The following ABCG4 variants were observed in gnomAD, a reference collection of about 807,000 sequenced individuals.
The protein encoded by ABCG4 is ATP binding cassette subfamily G member 4, also known as ATP-binding cassette sub-family G member 4.
Under a neutral mutation model 64.6 loss-of-function variants are expected in ABCG4, and 35 were observed. The observed-to-expected ratio is 0.54, with a 90% CI of 0.41 to 0.72. The LOEUF is 0.72. Ranked by LOEUF, ABCG4 falls within the 30% of genes least tolerant of loss-of-function variation. The pLI is 0.00. For synonymous variants in ABCG4, 326 were observed against 348.2 expected (o/e 0.94, Z 0.71); for missense variants, 610 against 846.3 (o/e 0.72, Z 3.46).
Position 119,161,040 on chromosome 11 carries a change from C to T in ABCG4, c.1875C>T (p.Ile625=). Reference sequence around the variant, plus strand: ...ACATGGACTTCCTGGTCTTGGGCATCTTCTTCCTAGCCCTGCGGCTGCTGG... The same window carrying T: ...ACATGGACTTCCTGGTCTTGGGCATTTTCTTCCTAGCCCTGCGGCTGCTGG... ...KLYMDFLVLG[I]FFLALRLLAY... Residue 625 remains isoleucine, a synonymous_variant, in exon 15 of 15, where the codon ATC becomes ATT. Coordinates refer to ENST00000619701, the MANE Select transcript of ABCG4 (RefSeq NM_022169.5). 6.2e-7 allele frequency: 1 copy of T among 1,614,082 alleles called. No homozygotes were observed. Among genetic ancestry groups the T allele is most frequent in the Non-Finnish European group, 8.5e-7 (1 of 1,179,986 alleles).
Position 119,154,760 on chromosome 11 carries a change from G to T in ABCG4, c.541-10G>T, listed in dbSNP as rs1481561724. On this transcript the variant is annotated splice_polypyrimidine_tract_variant and intron_variant, in intron 5 of 14. Coordinates refer to ENST00000619701, the MANE Select transcript of ABCG4 (RefSeq NM_022169.5). The surrounding 1 kb of genome is among the most constrained non-coding windows in gnomAD (Gnocchi z 7.0). ...CCGAAGCTGACCTGGCATGGGTGGG[G>T]TGGGGCCAGGTGACAGAGATCCTGA... 5 of 1,605,554 alleles carry T rather than the reference G, an allele frequency of 3.1e-6. No individual in the cohort carries two copies. The highest frequency in any genetic ancestry group is 1.7e-4 in the Middle Eastern group (1 of 6,034).
Position 119,149,785 on chromosome 11 carries a change from G to C in ABCG4, c.-12-169G>C. 1 of 1,106,538 alleles carries C rather than the reference G, an allele frequency of 9.0e-7. No individual in the cohort carries two copies. Among genetic ancestry groups the C allele is most frequent in the South Asian group, 1.6e-5 (1 of 61,792 alleles). The allele number at this position is 1,106,538 out of a possible 1,614,324, so 68.5% of individuals were successfully genotyped here. A position where few individuals can be genotyped will look rare whatever the true frequency, so the allele number is the denominator to read the frequency against. The stretch of plus-strand genomic sequence containing the variant: ...CTGGAGCTGGGCTGCCCGGGACTGA[G>C]CGTCTCCGTGCGGAGAGTGGGGGGC... On this transcript the variant is annotated intron_variant, in intron 1 of 14. Transcript: ENST00000619701. The surrounding 1 kb of genome is among the most constrained non-coding windows in gnomAD (Gnocchi z 8.3).
rs1948298557 is a variant in ABCG4 at position 119,158,483 on chromosome 11, TC to T, written c.1168-72del. The stretch of plus-strand genomic sequence containing the variant: ...TGTGCCTGTGAGGGCAGCTCCGAGT[TC>T]CTACTCCAAGTCTACTCTGTGGCTT... On this transcript the variant is annotated intron_variant, in intron 10 of 14. Coordinates refer to ENST00000619701, the MANE Select transcript of ABCG4 (RefSeq NM_022169.5). The surrounding 1 kb of genome is among the most constrained non-coding windows in gnomAD (Gnocchi z 4.5). 4 of 1,598,650 alleles carry T rather than the reference TC, an allele frequency of 2.5e-6. No homozygotes were observed. Among genetic ancestry groups the T allele is most frequent in the Non-Finnish European group, 3.4e-6 (4 of 1,166,540 alleles).
chr11:119,162,511 C>G lies in ABCG4; in HGVS notation c.*1405C>G, dbSNP rs1316571199. The G allele has an allele frequency of 3.3e-5, 5 of 152,382 alleles. No individual in the cohort carries two copies. Among genetic ancestry groups the G allele is most frequent in the African/African-American group, 9.7e-5 (4 of 41,446 alleles). 9.4% of individuals were successfully genotyped at this position (152,382 alleles called of 1,614,324 possible). On this transcript the variant is annotated 3_prime_UTR_variant, in exon 15 of 15. Coordinates refer to ENST00000619701, the MANE Select transcript of ABCG4 (RefSeq NM_022169.5). ...ATTCTGCTTCTGATTTCCCCTCCCC[C>G]AGGGCTCATTTTCCCCCTTTTTCCT...
chr11:119,158,233 G>A lies in ABCG4; in HGVS notation c.1069-1G>A, dbSNP rs776574108. The A allele has an allele frequency of 6.3e-7, 1 of 1,579,946 alleles. No individual in the cohort carries two copies. The highest frequency in any genetic ancestry group is 8.6e-7 in the Non-Finnish European group (1 of 1,158,154). On this transcript the variant is annotated splice_acceptor_variant, in intron 9 of 14. Transcript: ENST00000619701. LOFTEE classifies it high-confidence loss of function. This position sits in a 1 kb window ranked among gnomAD's most constrained non-coding sequence, Gnocchi z 4.5. ...ATCCCGATCCAATTTCTTCTTCCCA[G>A]GAAGTGGATCCCATTGAAAGCCACA...
In ABCG4 at chr11:119,150,654, G is replaced by A. The variant is rs553972948; in HGVS notation, c.238+451G>A. On this transcript the variant is annotated intron_variant, in intron 2 of 14. Coordinates refer to ENST00000619701, the MANE Select transcript of ABCG4 (RefSeq NM_022169.5). This position sits in a 1 kb window ranked among gnomAD's most constrained non-coding sequence, Gnocchi z 4.3. ...ACCACAGTGCTCAGAAGCAGGGAGG[G>A]TGGCGGTTTGGCAGGATAGATGTCA... 1.3e-5 allele frequency among the ~76,000 whole-genome samples: 2 copies of A among 152,302 alleles called. No individual in the cohort carries two copies. The highest frequency in any genetic ancestry group is 4.8e-5 in the African/African-American group (2 of 41,542).
At position 119,154,252 on chromosome 11, in the gene ABCG4, C is replaced by A. The variant is rs777837620; in HGVS notation, c.357-8C>A. The A allele has an allele frequency of 6.2e-7, 1 of 1,614,086 alleles. No individual in the cohort carries two copies. The highest frequency in any genetic ancestry group is 1.7e-5 in the Admixed American group (1 of 60,014). On this transcript the variant is annotated splice_region_variant and splice_polypyrimidine_tract_variant and intron_variant, in intron 3 of 14. Transcript: ENST00000619701. This position sits in a 1 kb window ranked among gnomAD's most constrained non-coding sequence, Gnocchi z 7.0. ...ATTGACCCCCATCCTCAACCCACATCCCTGCAGGGAGTCTGGAATGAAGGG... is the reference window on the plus strand; with the variant it reads ...ATTGACCCCCATCCTCAACCCACATACCTGCAGGGAGTCTGGAATGAAGGG...
rs1316275466 is a variant in ABCG4 at position 119,156,473 on chromosome 11, A to G, written c.810+21A>G. 1 of 1,614,064 alleles carries G rather than the reference A, an allele frequency of 6.2e-7. No homozygotes were observed. Among genetic ancestry groups the G allele is most frequent in the Non-Finnish European group, 8.5e-7 (1 of 1,180,040 alleles). On this transcript the variant is annotated intron_variant, in intron 7 of 14. Coordinates refer to ENST00000619701, the MANE Select transcript of ABCG4 (RefSeq NM_022169.5). This position sits in a 1 kb window ranked among gnomAD's most constrained non-coding sequence, Gnocchi z 5.5. ...ACAAGGTGAGTGTCTCCAGGCCTCA[A>G]GGAGGATTGGCCTGAGATGGAGGGA...
In ABCG4 at chr11:119,161,253, G is replaced by A. The variant is rs972155865; in HGVS notation, c.*147G>A. On this transcript the variant is annotated 3_prime_UTR_variant, in exon 15 of 15. Coordinates refer to ENST00000619701, the MANE Select transcript of ABCG4 (RefSeq NM_022169.5). ...TTGGCTCCTCCACAGGCTGGCTGTC[G>A]GACTGCGCTCCCAGCCTGGGCTCTG... 20 of 712,050 alleles carry A rather than the reference G, an allele frequency of 2.8e-5. No homozygotes were observed. The highest frequency in any genetic ancestry group is 8.3e-5 in the East Asian group (3 of 36,360). 44.1% of individuals were successfully genotyped at this position (712,050 alleles called of 1,614,324 possible).
rs1948294109 is a variant in ABCG4 at position 119,158,253 on chromosome 11, G to C, written c.1088G>C (p.Ser363Thr). 1 of 1,596,288 alleles carries C rather than the reference G, an allele frequency of 6.3e-7. No individual in the cohort carries two copies. The highest frequency in any genetic ancestry group is 1.3e-5 in the African/African-American group (1 of 74,584). The change falls in exon 10 of 15, where the codon AGC (serine) becomes ACC (threonine). Residue 363 changes from serine to threonine, a missense_variant. Physicochemically the swap from Ser to Thr is moderately conservative, Grantham distance 58. Transcript: ENST00000619701. The surrounding 1 kb of genome is among the most constrained non-coding windows in gnomAD (Gnocchi z 4.5). Reference protein sequence around the residue: ...PCPPEVDPIESHTFATSTLTQ... With the variant: ...PCPPEVDPIETHTFATSTLTQ... ...TCCCAGGAAGTGGATCCCATTGAAA[G>C]CCACACCTTTGCCACCAGCACCCTC...
In ABCG4 at chr11:119,156,972, T is replaced by C. The variant is rs1290787743; in HGVS notation, c.1026T>C (p.Pro342=). The part of the protein sequence containing the change: ...LCAMAEKKSS[P]EKNEVPAPCP... ...CTATGGCTGAGAAGAAGAGCAGCCC[T>C]GAGAAGAACGAGGTCCCTGCCCCAT... The change falls in exon 9 of 15, where the codon CCT becomes CCC. Residue 342 remains proline (P), a synonymous_variant. Transcript: ENST00000619701. The surrounding 1 kb of genome is among the most constrained non-coding windows in gnomAD (Gnocchi z 5.5). 6.2e-7 allele frequency: 1 copy of C among 1,613,578 alleles called. No homozygotes were observed. Among genetic ancestry groups the C allele is most frequent in the African/African-American group, 1.3e-5 (1 of 74,882 alleles).
At chr11:119,153,888 GGTT>G (rs1948226235) in intron 2 of ABCG4, 135 bp from the exon 3 acceptor site, 2 of 733,200 alleles carry the variant, frequency 2.7e-6, no homozygotes. Flanking sequence ...GGGCTATAAG[GGTT>G]GTTCCTCCAT....
chr11:119,154,939 C>G lies in ABCG4; in HGVS notation c.686+24C>G. ...AGGTAGTTCTCTCCACCCTTTCCCA[C>G]CAGGATACCCCTCTCCTCTCGGCCC... On this transcript the variant is annotated intron_variant, in intron 6 of 14. Coordinates refer to ENST00000619701, the MANE Select transcript of ABCG4 (RefSeq NM_022169.5). This position sits in a 1 kb window ranked among gnomAD's most constrained non-coding sequence, Gnocchi z 7.0. The G allele has an allele frequency of 6.3e-7, 1 of 1,590,802 alleles. No homozygotes were observed. The highest frequency in any genetic ancestry group is 8.6e-7 in the Non-Finnish European group (1 of 1,162,774).
Position 119,160,104 on chromosome 11 carries a change from G to A in ABCG4, c.1438-123G>A. On this transcript the variant is annotated intron_variant, in intron 12 of 14. Transcript: ENST00000619701. The surrounding 1 kb of genome is among the most constrained non-coding windows in gnomAD (Gnocchi z 4.6). ...TCTGGGGGACAGCTTGAACAAGAAT[G>A]TGGAGGCAGGATGGACACCCTGGGA... The A allele has an allele frequency of 9.5e-7, 1 of 1,055,514 alleles. No individual in the cohort carries two copies. Among genetic ancestry groups the A allele is most frequent in the Non-Finnish European group, 1.4e-6 (1 of 729,808 alleles). 65.4% of individuals were successfully genotyped at this position (1,055,514 alleles called of 1,614,324 possible).
Position 119,150,044 on chromosome 11 carries a change from G to T in ABCG4, c.79G>T (p.Gly27Trp), listed in dbSNP as rs1370319134. The T allele has an allele frequency of 6.2e-7, 1 of 1,613,748 alleles. No individual in the cohort carries two copies. Among genetic ancestry groups the T allele is most frequent in the South Asian group, 1.1e-5 (1 of 91,088 alleles). The change falls in exon 2 of 15, where the codon GGG becomes TGG. Residue 27 changes from glycine to tryptophan, a missense_variant. Transcript: ENST00000619701. The surrounding 1 kb of genome is among the most constrained non-coding windows in gnomAD (Gnocchi z 4.3). The part of the protein sequence containing the change: ...AVAMAVTLED[G>W]AEPPVLTTHL... ...GGCCATGGCCGTGACGCTGGAGGAC[G>T]GGGCGGAACCCCCTGTGCTGACCAC...
At chr11:119,157,339 C>T (rs982349591) in intron 9 of ABCG4, among the ~76,000 whole-genome samples, 2 of 152,198 alleles carry the variant, frequency 1.3e-5, no homozygotes, top group African/African-American at 4.8e-5. Context: ...GCCAGTGTGG[C>T]TTACTGTTCT....
In ABCG4 at chr11:119,156,977, A is replaced by C; in HGVS notation, c.1031A>C (p.Lys344Thr). 1 of 1,613,520 alleles carries C rather than the reference A, an allele frequency of 6.2e-7. No homozygotes were observed. The highest frequency in any genetic ancestry group is 8.5e-7 in the Non-Finnish European group (1 of 1,179,714). ...GCTGAGAAGAAGAGCAGCCCTGAGAAGAACGAGGTCCCTGCCCCATGCCCT... is the reference window on the plus strand; with the variant it reads ...GCTGAGAAGAAGAGCAGCCCTGAGACGAACGAGGTCCCTGCCCCATGCCCT... ...AMAEKKSSPE[K>T]NEVPAPCPPC... Residue 344 changes from lysine to threonine, a missense_variant, in exon 9 of 15, where the codon AAG becomes ACG. Coordinates refer to ENST00000619701, the MANE Select transcript of ABCG4 (RefSeq NM_022169.5). The surrounding 1 kb of genome is among the most constrained non-coding windows in gnomAD (Gnocchi z 5.5).
chr11:119,156,992 C>A lies in ABCG4; in HGVS notation c.1046C>A (p.Ala349Asp). ...AGCCCTGAGAAGAACGAGGTCCCTGCCCCATGCCCTCCTTGTCCTCCGGTG... is the reference window on the plus strand; with the variant it reads ...AGCCCTGAGAAGAACGAGGTCCCTGACCCATGCCCTCCTTGTCCTCCGGTG... ...KSSPEKNEVP[A>D]PCPPCPPEVD... The change falls in exon 9 of 15, where the codon GCC (alanine) becomes GAC (aspartate). Residue 349 changes from alanine to aspartate, a missense_variant. Physicochemically the swap from Ala to Asp is moderately radical, Grantham distance 126. Transcript: ENST00000619701. This position sits in a 1 kb window ranked among gnomAD's most constrained non-coding sequence, Gnocchi z 5.5. The A allele has an allele frequency of 6.2e-7, 1 of 1,610,946 alleles. No individual in the cohort carries two copies. Among genetic ancestry groups the A allele is most frequent in the Non-Finnish European group, 8.5e-7 (1 of 1,178,614 alleles).
Position 119,160,563 on chromosome 11 carries a change from C to T in ABCG4, c.1622C>T (p.Thr541Ile). ...GTGGCCACTTTTGTGGGCCCAGTTA[C>T]CGCCATCCCTGTCCTCTTGTTCTCC... ...LQVATFVGPV[T>I]AIPVLLFSGF... The change falls in exon 14 of 15, where the codon ACC becomes ATC. Residue 541 changes from threonine (T) to isoleucine (I), a missense_variant. Thr to Ile is a moderately conservative substitution (Grantham distance 89). Coordinates refer to ENST00000619701, the MANE Select transcript of ABCG4 (RefSeq NM_022169.5). This position sits in a 1 kb window ranked among gnomAD's most constrained non-coding sequence, Gnocchi z 4.6. 1 of 1,611,912 alleles carries T rather than the reference C, an allele frequency of 6.2e-7. No homozygotes were observed. Among genetic ancestry groups the T allele is most frequent in the South Asian group, 1.1e-5 (1 of 91,086 alleles).
Sources: allele counts gnomAD v4.1 joint callset (sites outside exome capture counted in the v4.1 genomes callset), GRCh38; gene constraint gnomAD v4.1.1; non-coding constraint Gnocchi (gnomAD v3.1); transcripts MANE v1.5; gene names NCBI Gene and HGNC (gene_info 2026-07-23, HGNC 2026-07-21).